The following VPS13B variants were observed in gnomAD, a reference collection of about 807,000 sequenced individuals.
VPS13B encodes intermembrane lipid transfer protein VPS13B.
VPS13B carries 285 observed loss-of-function variants against 426.4 expected under a neutral mutation model. That is an observed-to-expected ratio of 0.67 (90% CI 0.61 to 0.74). The LOEUF (loss-of-function observed/expected upper bound fraction) is 0.74, where lower values mean the gene tolerates loss of function less well. Among genes scored for constraint, VPS13B ranks in the 30% least tolerant of loss-of-function variants. The pLI, the probability that VPS13B is intolerant of heterozygous loss-of-function variation, is 0.00. For missense variants in VPS13B, 4,537 were observed against 4,782.6 expected (o/e 0.95, Z 1.51); for synonymous variants, 1,676 against 1,676.4 (o/e 1.00, Z 0.01).
intron 19 of VPS13B, chr8:99,341,242 CA>C: frequency 5.8e-6 from 1 of 173,828 alleles, no homozygotes. Flanking sequence ...CGTAGGACTC[CA>C]AAATCATTAT....
Position 99,859,302 on chromosome 8 carries a change from A to G in VPS13B, c.10868-2A>G, listed in dbSNP as rs745404712. The stretch of plus-strand genomic sequence containing the variant: ...TCACCCCTTCCCTCTTGTGCGTTGC[A>G]GGCTGGGTAGTTGGGTCTCTGGATA... On this transcript the variant is annotated splice_acceptor_variant, in intron 56 of 61. Transcript: ENST00000357162. LOFTEE classifies it high-confidence loss of function. 1.2e-6 allele frequency: 2 copies of G among 1,613,450 alleles called. No homozygotes were observed. The highest frequency in any genetic ancestry group is 3.3e-5 in the Admixed American group (2 of 60,008).
chr8:99,640,089 A>G (rs1355522224), intron 33 of VPS13B, among the ~76,000 whole-genome samples: 15 of 149,620 alleles, frequency 1.0e-4, no homozygotes, highest in South Asian at 2.1e-4. Flanking sequence ...AAGAAAAGAA[A>G]AGAAAAGAAA....
At chr8:99,320,954 T>A (rs1809944514) in intron 19 of VPS13B, among the ~76,000 whole-genome samples, 1 of 152,294 alleles carries the variant, frequency 6.6e-6, no homozygotes, top group South Asian at 2.1e-4. Context: ...AGCCAGTGTG[T>A]GCTGAAATCT....
At chr8:99,580,902 G>A (rs1174233113) in intron 33 of VPS13B, among the ~76,000 whole-genome samples, 1 of 150,262 alleles carries the variant, frequency 6.7e-6, no homozygotes, top group Non-Finnish European at 1.5e-5. Flanking sequence ...ATATCACTTG[G>A]GAGGCCAAGG....
rs188410475 is a variant in VPS13B, at chr8:99,582,756, C to T, written c.5220+5123C>T. ...CTGCAAGCTCCGCCTCCTGTGTTCA[C>T]GCCATTCTCCTGCCTCAGCCTCCCG... On this transcript the variant is annotated intron_variant, in intron 33 of 61. Coordinates refer to ENST00000357162, the MANE Select transcript of VPS13B (RefSeq NM_152564.5). 8.9e-4 allele frequency among the ~76,000 whole-genome samples: 135 copies of T among 152,130 alleles called. 1 individual carries two copies. The highest frequency in any genetic ancestry group is 3.1e-3 in the African/African-American group (127 of 41,534).
At chr8:99,690,539 C>T (rs1831611033) in intron 35 of VPS13B, among the ~76,000 whole-genome samples, 1 of 151,990 alleles carries the variant, frequency 6.6e-6, no homozygotes, top group African/African-American at 2.4e-5. Context: ...ATATCTGATA[C>T]AATATTTGCA....
intron 3 of VPS13B, among the ~76,000 whole-genome samples, chr8:99,058,272 T>TA (rs752789247): frequency 2.0e-5 from 3 of 150,676 alleles, no homozygotes; most frequent in East Asian, 1.9e-4. Flanking sequence ...AAGTCAGATT[T>TA]AAAAAAAAAT....
At chr8:99,207,822 G>C (rs1162243108) in intron 17 of VPS13B, among the ~76,000 whole-genome samples, 1 of 151,976 alleles carries the variant, frequency 6.6e-6, no homozygotes, top group Admixed American at 6.6e-5. Context: ...TATTTCTTCT[G>C]GTTGTATTCA....
intron 39 of VPS13B, among the ~76,000 whole-genome samples, chr8:99,725,735 T>G (rs905285349): frequency 2.0e-5 from 3 of 152,220 alleles, no homozygotes; most frequent in Non-Finnish European, 4.4e-5. Context: ...ATGAATGTGT[T>G]TTGATTTTCT....
intron 16 of VPS13B, among the ~76,000 whole-genome samples, chr8:99,179,115 C>T (rs905218464): frequency 6.6e-6 from 1 of 151,952 alleles, no homozygotes; most frequent in African/African-American, 2.4e-5. Context: ...GTCATTTATT[C>T]ATTAAAAAAA....
Position 99,722,396 on chromosome 8 carries a change from A to G in VPS13B, c.7050+1349A>G, listed in dbSNP as rs117987475. ...ATGATGTATCTCCAGCCTCTGGTAC[A>G]TAGGTACACTCACCAAATGTTTGAA... On this transcript the variant is annotated intron_variant, in intron 39 of 61. Transcript: ENST00000357162. Among the ~76,000 whole-genome samples the G allele has an allele frequency of 9.9e-3, 1,506 of 152,326 alleles. 8 individuals carry two copies. The highest frequency in any genetic ancestry group is 0.014 in the Non-Finnish European group (968 of 68,020).
chr8:99,861,093 A>G (rs1180087606), intron 57 of VPS13B, among the ~76,000 whole-genome samples: 2 of 152,222 alleles, frequency 1.3e-5, no homozygotes, highest in African/African-American at 4.8e-5. Flanking sequence ...CTTTAAAATC[A>G]CAGCAGGCAG....
At position 99,118,166 on chromosome 8, in the gene VPS13B, G is replaced by A. The variant is rs542382085; in HGVS notation, c.937+2292G>A. On this transcript the variant is annotated intron_variant, in intron 7 of 61. Coordinates refer to ENST00000357162, the MANE Select transcript of VPS13B (RefSeq NM_152564.5). ...TGACAAATTTCAAATATATGGAAAA[G>A]CTGTAAGAGTTATTATAAGGTGAAC... is the stretch of plus-strand genomic sequence containing the variant. Among the ~76,000 whole-genome samples, 3 of 152,194 alleles carry A rather than the reference G, an allele frequency of 2.0e-5. No homozygotes were observed. In the South Asian group the frequency reaches 6.2e-4, roughly 32 times the overall value.
intron 19 of VPS13B, among the ~76,000 whole-genome samples, chr8:99,278,085 T>C (rs1484332765): frequency 1.3e-5 from 2 of 152,200 alleles, no homozygotes; most frequent in East Asian, 3.9e-4. Flanking sequence ...GATGTCCCGG[T>C]GAGGTTGTTA....
chr8:99,074,507 CAA>C (rs879524448), intron 3 of VPS13B, among the ~76,000 whole-genome samples: 4 of 100,918 alleles, frequency 4.0e-5, no homozygotes, highest in African/African-American at 3.7e-5. Flanking sequence ...GACTCCGTCT[CAA>C]AAAAAAAAAA....
At chr8:99,820,221 GA>G in intron 49 of VPS13B, 99 bp downstream of exon 49, 1 of 1,223,772 alleles carries the variant, frequency 8.2e-7, no homozygotes, top group Non-Finnish European at 1.2e-6. Context: ...AATCAGTTGT[GA>G]AAAATTCTTC....
chr8:99,073,482 T>C (rs1378910849), intron 3 of VPS13B, among the ~76,000 whole-genome samples: 4 of 152,110 alleles, frequency 2.6e-5, no homozygotes, highest in Admixed American at 2.6e-4. Context: ...TTAATTTTTT[T>C]GTAGCTATTG....
Position 99,204,562 on chromosome 8 carries a change from G to C in VPS13B, c.2515+11505G>C, listed in dbSNP as rs766343688. On this transcript the variant is annotated intron_variant, in intron 17 of 61. Transcript: ENST00000357162. ...CACAGCCAAAGAAACTCTCATCAGC[G>C]TGAACAGGCAATCTACAGAATGGGA... is the stretch of plus-strand genomic sequence containing the variant. 3.9e-5 allele frequency among the ~76,000 whole-genome samples: 6 copies of C among 152,224 alleles called. No homozygotes were observed. In the South Asian group the frequency reaches 1.2e-3, roughly 32 times the overall value.
At chr8:99,751,571 C>T (rs117447542) in intron 39 of VPS13B, among the ~76,000 whole-genome samples, 1,860 of 152,148 alleles carry the variant, frequency 0.012, 15 homozygotes, top group Non-Finnish European at 0.018. Flanking sequence ...CGTTGTATCC[C>T]TAGTTTACAC....
Sources: gnomAD v4.1 joint callset for allele counts (sites outside exome capture counted in the v4.1 genomes callset) on GRCh38, gnomAD v4.1.1 for gene constraint, MANE v1.5 for transcripts, NCBI Gene and HGNC (gene_info 2026-07-23, HGNC 2026-07-21) for gene names.